TTC7B: variants seen among roughly 807,000 people sequenced by gnomAD.
TTC7B encodes the protein tetratricopeptide repeat protein 7B.
A neutral mutation model predicts 106.8 loss-of-function variants in TTC7B; 28 were observed. The observed-to-expected ratio is 0.26, with a 90% CI of 0.19 to 0.36. The LOEUF (loss-of-function observed/expected upper bound fraction) is 0.36, where lower values mean the gene tolerates loss of function less well. TTC7B is among the 10% of genes least tolerant of loss of function. The pLI is 1.00. For missense variants in TTC7B, 862 were observed against 1,076.4 expected, an observed-to-expected ratio of 0.80 and a Z score of 2.79; for synonymous variants, 405 against 430.6, an observed-to-expected ratio of 0.94 and a Z score of 0.74.
intron 18 of TTC7B, among the ~76,000 whole-genome samples, chr14:90,585,031 T>C (rs1194153616): frequency 6.6e-6 from 1 of 152,070 alleles, no homozygotes; most frequent in East Asian, 1.9e-4. Flanking sequence ...CTGAGAAGGG[T>C]TAGCAAGTGG....
chr14:90,791,305 G>A (rs1246927675), intron 1 of TTC7B, among the ~76,000 whole-genome samples: 1 of 152,172 alleles, frequency 6.6e-6, no homozygotes, highest in Non-Finnish European at 1.5e-5. Context: ...CTTCTAGACT[G>A]TAAGGAGGAG....
intron 1 of TTC7B, among the ~76,000 whole-genome samples, chr14:90,814,902 G>A (rs1017231551): frequency 5.3e-5 from 8 of 152,130 alleles, no homozygotes; most frequent in Non-Finnish European, 7.4e-5. Flanking sequence ...TGGCACCTGC[G>A]TTCACCCAGA....
intron 15 of TTC7B, among the ~76,000 whole-genome samples, chr14:90,637,107 G>C (rs1884978455): frequency 1.3e-5 from 2 of 151,912 alleles, no homozygotes. Context: ...CTGGTTGTTT[G>C]AAAGGATCCA....
At chr14:90,710,331 A>G (rs1189539950) in intron 5 of TTC7B, among the ~76,000 whole-genome samples, 1 of 152,260 alleles carries the variant, frequency 6.6e-6, no homozygotes, top group Non-Finnish European at 1.5e-5. Flanking sequence ...TGAATGGATG[A>G]GGAATTGCTC....
Position 90,802,075 on chromosome 14 carries a change from A to G in TTC7B, c.121+14100T>C, listed in dbSNP as rs1484743754. 1.3e-5 allele frequency among the ~76,000 whole-genome samples: 2 copies of G among 151,974 alleles called. No individual in the cohort carries two copies. Among genetic ancestry groups the G allele is most frequent in the Non-Finnish European group, 2.9e-5 (2 of 67,972 alleles). ...AAAACTCCATCTCAGGAAGGAAAAA[A>G]AAAAAAAAGAAAGAAAGAAAGCAGC... is the stretch of plus-strand genomic sequence containing the variant. On this transcript the variant is annotated intron_variant, in intron 1 of 19. Coordinates refer to ENST00000328459, the MANE Select transcript of TTC7B (RefSeq NM_001010854.2). The surrounding 1 kb of genome is among the most constrained non-coding windows in gnomAD (Gnocchi z 4.7).
intron 1 of TTC7B, 105 bp from the exon 2 acceptor site, chr14:90,786,433 C>G: frequency 7.3e-7 from 1 of 1,372,290 alleles, no homozygotes; most frequent in South Asian, 1.3e-5. Context: ...GCTCCAGGCC[C>G]CCAGCAAGGT....
rs1890436985 is a variant in TTC7B, at chr14:90,759,755, GT to G, written c.446-14834del. ...AGTGGATCTCAGAATATACTGAGAA[GT>G]TTGCCCTTTTGCTTAGGCACCTTGT... On this transcript the variant is annotated intron_variant, in intron 3 of 19. Coordinates refer to ENST00000328459, the MANE Select transcript of TTC7B (RefSeq NM_001010854.2). This position sits in a 1 kb window ranked among gnomAD's most constrained non-coding sequence, Gnocchi z 4.1. Among the ~76,000 whole-genome samples the G allele has an allele frequency of 6.6e-6, 1 of 152,166 alleles. No individual in the cohort carries two copies. Among genetic ancestry groups the G allele is most frequent in the Non-Finnish European group, 1.5e-5 (1 of 68,024 alleles).
chr14:90,581,300 C>T (rs1401433126), intron 18 of TTC7B, among the ~76,000 whole-genome samples: 4 of 152,052 alleles, frequency 2.6e-5, no homozygotes, highest in Non-Finnish European at 2.9e-5. Context: ...GAAGGTAACT[C>T]CTGAACTTCT....
chr14:90,738,843 C>G (rs1354059444), intron 4 of TTC7B, among the ~76,000 whole-genome samples: 1 of 152,024 alleles, frequency 6.6e-6, no homozygotes, highest in Non-Finnish European at 1.5e-5. Flanking sequence ...CTGGGCAACA[C>G]AGAGAGACCT....
intron 3 of TTC7B, among the ~76,000 whole-genome samples, chr14:90,770,421 C>T (rs1890825814): frequency 6.6e-6 from 1 of 152,124 alleles, no homozygotes; most frequent in Non-Finnish European, 1.5e-5. Context: ...CTTTAGGAGG[C>T]TGAGGCGGGC....
chr14:90,734,263 A>G (rs1389081527), intron 4 of TTC7B, among the ~76,000 whole-genome samples: 1 of 152,092 alleles, frequency 6.6e-6, no homozygotes, highest in African/African-American at 2.4e-5. Flanking sequence ...TACTAAAAAT[A>G]CAAAAACTTA....
chr14:90,562,004 T>C (rs1890612171), intron 19 of TTC7B, among the ~76,000 whole-genome samples: 1 of 152,178 alleles, frequency 6.6e-6, no homozygotes, highest in Non-Finnish European at 1.5e-5. Flanking sequence ...CTAGGCCCTT[T>C]CTCTTTCCTG....
chr14:90,780,583 C>G (rs1212116877), intron 3 of TTC7B, among the ~76,000 whole-genome samples, 155 bp downstream of exon 3: 1 of 152,274 alleles, frequency 6.6e-6, no homozygotes, highest in Admixed American at 6.5e-5. Flanking sequence ...CTGGGCTTAG[C>G]ATGACCCAGC....
intron 19 of TTC7B, among the ~76,000 whole-genome samples, chr14:90,553,429 G>A (rs1479054248): frequency 2.0e-5 from 3 of 152,198 alleles, no homozygotes; most frequent in African/African-American, 7.2e-5. Context: ...GGGATGCCTG[G>A]GCCTCGGCTC....
chr14:90,566,477 T>C (rs1890805823), intron 19 of TTC7B, among the ~76,000 whole-genome samples: 1 of 152,198 alleles, frequency 6.6e-6, no homozygotes, highest in African/African-American at 2.4e-5. Flanking sequence ...TCTGTGCCTG[T>C]ACCCTCCTCC....
Position 90,535,408 on chromosome 14 carries a change from C to T in TTC7B, c.*5960G>A, listed in dbSNP as rs1018988770. On this transcript the variant is annotated 3_prime_UTR_variant, in exon 20 of 20. Coordinates refer to ENST00000328459, the MANE Select transcript of TTC7B (RefSeq NM_001010854.2). ...CCCTGCTCACTGAGGAGTGGGTGCC[C>T]CGTCCCCAGGGCTCCCTGGCTTGGG... The T allele has an allele frequency of 2.6e-5, 4 of 152,542 alleles. No homozygotes were observed. The highest frequency in any genetic ancestry group is 6.5e-5 in the Admixed American group (1 of 15,280). The allele number at this position is 152,542 out of a possible 1,614,324, so 9.4% of individuals were successfully genotyped here.
Position 90,597,600 on chromosome 14 carries a change from G to A in TTC7B, c.1967-3974C>T, listed in dbSNP as rs931400545. On this transcript the variant is annotated intron_variant, in intron 17 of 19. Transcript: ENST00000328459. ...TTGAACCCCAGAGGTGGAGGTTGCA[G>A]TGAGCTGAGACTGCGCCATTGCACT... 5.9e-5 allele frequency among the ~76,000 whole-genome samples: 9 copies of A among 152,224 alleles called. No homozygotes were observed. The South Asian group carries it at 1.7e-3, about 28-fold the overall frequency.
chr14:90,785,240 G>T (rs966262658), intron 2 of TTC7B, among the ~76,000 whole-genome samples: 1 of 152,110 alleles, frequency 6.6e-6, no homozygotes. Context: ...ATGGCTTCCC[G>T]GGGGGAAGCG....
chr14:90,547,381 C>T (rs141433060), intron 19 of TTC7B, among the ~76,000 whole-genome samples: 5 of 152,366 alleles, frequency 3.3e-5, no homozygotes, highest in Admixed American at 6.5e-5. Context: ...ACCTCAAGGG[C>T]GCCTGTGCCA....
Sources: gnomAD v4.1 joint callset for allele counts (sites outside exome capture counted in the v4.1 genomes callset) on GRCh38, gnomAD v4.1.1 for gene constraint, Gnocchi (gnomAD v3.1) non-coding constraint, MANE v1.5 for transcripts, NCBI Gene and HGNC (gene_info 2026-07-23, HGNC 2026-07-21) for gene names.